Variants in MYRIP observed in about 807,000 individuals in gnomAD.
MYRIP encodes the protein myosin VIIA and Rab interacting protein.
In MYRIP, 49 loss-of-function variants were observed where a neutral mutation model predicts 98.0. That is an observed-to-expected ratio of 0.50 (90% CI 0.40 to 0.63). The LOEUF is 0.63. MYRIP is among the 30% of genes least tolerant of loss of function. The probability of loss-of-function intolerance (pLI) is 0.00; values close to 1 mark genes in which losing one functional copy is unlikely to be tolerated. For synonymous variants in MYRIP, 404 were observed against 409.5 expected, an observed-to-expected ratio of 0.99 and a Z score of 0.16; for missense variants, 1,004 against 1,058.2, an observed-to-expected ratio of 0.95 and a Z score of 0.71.
At chr3:39,904,780 G>A (rs1943837162) in intron 2 of MYRIP, among the ~76,000 whole-genome samples, 1 of 152,102 alleles carries the variant, frequency 6.6e-6, no homozygotes, top group Admixed American at 6.5e-5. Context: ...GTAGTCACAG[G>A]CCTCACTATG....
intron 11 of MYRIP, among the ~76,000 whole-genome samples, chr3:40,218,617 TATATATATATATATA>T (rs1559460403): frequency 0.07 from 761 of 10,946 alleles, 21 homozygotes; most frequent in Middle Eastern, 0.29. Flanking sequence ...ATATTTTATA[TATATATATATATATA>T]TATATATATA....
chr3:40,169,763 A>G lies in MYRIP; in HGVS notation c.730-187A>G, dbSNP rs577565463. ...AAAAGGATTATTTGTAAACTGTAAAATGCTTAGAATGCTCAAGGCTATAAT... is the reference window on the plus strand; with the variant it reads ...AAAAGGATTATTTGTAAACTGTAAAGTGCTTAGAATGCTCAAGGCTATAAT... On this transcript the variant is annotated intron_variant, in intron 7 of 16. Coordinates refer to ENST00000302541, the MANE Select transcript of MYRIP (RefSeq NM_015460.4). Among the ~76,000 whole-genome samples the G allele has an allele frequency of 2.0e-5, 3 of 152,344 alleles. No homozygotes were observed. In the South Asian group the frequency reaches 6.2e-4, roughly 32 times the overall value.
intron 3 of MYRIP, among the ~76,000 whole-genome samples, chr3:40,078,473 T>G (rs953099821): frequency 6.6e-6 from 1 of 152,226 alleles, no homozygotes; most frequent in Non-Finnish European, 1.5e-5. Flanking sequence ...CAGCACGCTG[T>G]CACCTCTCAC....
intron 1 of MYRIP, among the ~76,000 whole-genome samples, chr3:39,837,308 G>A (rs560306038): frequency 6.6e-6 from 1 of 152,198 alleles, no homozygotes; most frequent in African/African-American, 2.4e-5. Flanking sequence ...TGTCCCGAAT[G>A]GTACTGCTTA....
chr3:40,126,169 C>T (rs1949522468), intron 3 of MYRIP, among the ~76,000 whole-genome samples: 2 of 152,174 alleles, frequency 1.3e-5, no homozygotes, highest in African/African-American at 4.8e-5. Context: ...AAGTGCAATC[C>T]TTGGACTCGC....
At chr3:39,858,859 A>G (rs935047789) in intron 1 of MYRIP, among the ~76,000 whole-genome samples, 1 of 152,140 alleles carries the variant, frequency 6.6e-6, no homozygotes, top group Admixed American at 6.5e-5. Context: ...AAACACCATA[A>G]ACCAAAACTT....
intron 2 of MYRIP, among the ~76,000 whole-genome samples, chr3:39,956,194 G>A (rs938445284): frequency 6.6e-6 from 1 of 152,276 alleles, no homozygotes; most frequent in East Asian, 1.9e-4. Context: ...GACATCTGCG[G>A]AACTCTCCAC....
At chr3:40,228,703 C>T (rs979148503) in intron 11 of MYRIP, among the ~76,000 whole-genome samples, 16 of 152,238 alleles carry the variant, frequency 1.1e-4, no homozygotes, top group Non-Finnish European at 2.1e-4. Context: ...GCTCCAGGCA[C>T]ATGTACACAT....
chr3:40,064,170 T>A (rs1301047652), intron 3 of MYRIP, among the ~76,000 whole-genome samples: 1 of 151,960 alleles, frequency 6.6e-6, no homozygotes, highest in African/African-American at 2.4e-5. Flanking sequence ...TTATATGTAG[T>A]CCCGTCAGGT....
In MYRIP at chr3:40,167,247, G is replaced by A. The variant is rs1950519737; in HGVS notation, c.729+8G>A. 6.8e-6 allele frequency: 11 copies of A among 1,613,930 alleles called. No homozygotes were observed. The highest frequency in any genetic ancestry group is 9.3e-6 in the Non-Finnish European group (11 of 1,179,900). Reference sequence around the variant, plus strand: ...ACGACAATCCTGCAGAAGGTAGGTGGGTCCTGGCAGTGGGATGGCTGCAGT... The same window carrying A: ...ACGACAATCCTGCAGAAGGTAGGTGAGTCCTGGCAGTGGGATGGCTGCAGT... On this transcript the variant is annotated splice_region_variant and intron_variant, in intron 7 of 16. Coordinates refer to ENST00000302541, the MANE Select transcript of MYRIP (RefSeq NM_015460.4).
intron 11 of MYRIP, among the ~76,000 whole-genome samples, chr3:40,217,235 G>C (rs1952149205): frequency 6.6e-6 from 1 of 152,004 alleles, no homozygotes; most frequent in South Asian, 2.1e-4. Context: ...TAAAAAAATG[G>C]AAAGCATCCC....
chr3:40,209,140 G>A (rs1951854884), intron 10 of MYRIP: 1 of 152,154 alleles, frequency 6.6e-6, no homozygotes, highest in African/African-American at 2.4e-5. Flanking sequence ...GCGTCAATAT[G>A]GTGACCTCCC....
At chr3:39,928,016 A>G (rs1944456167) in intron 2 of MYRIP, among the ~76,000 whole-genome samples, 1 of 152,088 alleles carries the variant, frequency 6.6e-6, no homozygotes, top group Non-Finnish European at 1.5e-5. Flanking sequence ...CAAACTAGGC[A>G]TTGAAGACAC....
chr3:40,171,329 C>T (rs1199724538), intron 8 of MYRIP, among the ~76,000 whole-genome samples: 1 of 152,116 alleles, frequency 6.6e-6, no homozygotes. Context: ...AGACAAGGGG[C>T]CTTTCCAGCA....
rs374697001 is a variant in MYRIP at position 40,189,984 on chromosome 3, G to A, written c.1186G>A (p.Asp396Asn). ...VASAYDEMGS[D>N]SEEDFDWSEA... The stretch of plus-strand genomic sequence containing the variant: ...ATCTGCCTACGATGAGATGGGCTCC[G>A]ATAGCGAGGAAGACTTTGACTGGAG... Residue 396 changes from aspartate to asparagine, a missense_variant, in exon 10 of 17, where the codon GAT becomes AAT. Coordinates refer to ENST00000302541, the MANE Select transcript of MYRIP (RefSeq NM_015460.4). 4.6e-5 allele frequency: 75 copies of A among 1,614,010 alleles called. No homozygotes were observed. The highest frequency in any genetic ancestry group is 1.1e-4 in the East Asian group (5 of 44,854).
intron 1 of MYRIP, among the ~76,000 whole-genome samples, chr3:39,844,120 G>T (rs898153683): frequency 6.6e-6 from 1 of 152,092 alleles, no homozygotes. Flanking sequence ...ATTCTGAAAG[G>T]TTCACCCACA....
intron 3 of MYRIP, among the ~76,000 whole-genome samples, chr3:40,052,325 A>G (rs1947810110): frequency 6.6e-6 from 1 of 152,100 alleles, no homozygotes; most frequent in African/African-American, 2.4e-5. Flanking sequence ...CACTTAATAT[A>G]ATGACCTCCA....
At chr3:39,890,473 T>G (rs552708098) in intron 1 of MYRIP, among the ~76,000 whole-genome samples, 36 of 152,094 alleles carry the variant, frequency 2.4e-4, no homozygotes, top group Admixed American at 7.2e-4. Flanking sequence ...ATGAGAGATC[T>G]TCTCCTGTTG....
chr3:40,066,961 ATGTCCTTTTTGCTTTTC>A (rs1025438988), intron 3 of MYRIP, among the ~76,000 whole-genome samples: 11 of 152,316 alleles, frequency 7.2e-5, no homozygotes, highest in South Asian at 6.2e-4. Context: ...GGCAACTTTT[ATGTCCTTTTTGCTTTTC>A]TGTCCTTTTT....
Sources: gnomAD v4.1 joint callset for allele counts (sites outside exome capture counted in the v4.1 genomes callset) on GRCh38, gnomAD v4.1.1 for gene constraint, MANE v1.5 for transcripts, NCBI Gene and HGNC (gene_info 2026-07-23, HGNC 2026-07-21) for gene names.